Variants in CCDC150 observed in about 807,000 individuals in gnomAD.
CCDC150 encodes coiled-coil domain-containing protein 150.
A neutral mutation model predicts 156.5 loss-of-function variants in CCDC150; 151 were observed. The ratio of observed to expected loss-of-function variants is 0.97; its 90% CI spans 0.85 to 1.10. The LOEUF (loss-of-function observed/expected upper bound fraction) is 1.10, where lower values mean the gene tolerates loss of function less well. Ranked by LOEUF, CCDC150 falls within the 50% of genes least tolerant of loss-of-function variation. CCDC150 has a pLI of 0.00. For synonymous variants in CCDC150, 452 were observed against 429.4 expected (o/e 1.05, Z -0.65); for missense variants, 1,312 against 1,268.1 (o/e 1.03, Z -0.53).
chr2:196,641,150 TTG>T (rs1692203508), intron 1 of CCDC150, among the ~76,000 whole-genome samples: 2 of 58,596 alleles, frequency 3.4e-5, no homozygotes, highest in African/African-American at 1.3e-4. Context: ...ATTTTTATTT[TTG>T]TATTTTTAGT....
chr2:196,689,169 C>G (rs1010191458), intron 13 of CCDC150, among the ~76,000 whole-genome samples: 1 of 152,106 alleles, frequency 6.6e-6, no homozygotes, highest in Non-Finnish European at 1.5e-5. Context: ...AATTTGAAGT[C>G]AGGTAGTGTG....
chr2:196,696,200 C>T (rs1695816876), intron 14 of CCDC150, among the ~76,000 whole-genome samples: 1 of 151,992 alleles, frequency 6.6e-6, no homozygotes, highest in African/African-American at 2.4e-5. Flanking sequence ...AATGCTATAA[C>T]TGTGGATGTT....
chr2:196,718,699 A>G (rs1192395220), intron 18 of CCDC150, 68 bp downstream of exon 18: 12 of 1,539,412 alleles, frequency 7.8e-6, no homozygotes, highest in Non-Finnish European at 1.1e-5. Context: ...TTCATGAGCC[A>G]TATGTTTCGC....
chr2:196,674,225 G>T lies in CCDC150; in HGVS notation c.1030-16G>T, dbSNP rs770563407. ...TTATTGGAGAGACCAATGACTTGCT[G>T]TGTGTGTTTTCTTAGGTTTTGAATG... On this transcript the variant is annotated splice_polypyrimidine_tract_variant and intron_variant, in intron 9 of 27. Coordinates refer to ENST00000389175, the MANE Select transcript of CCDC150 (RefSeq NM_001080539.2). 2 of 1,467,014 alleles carry T rather than the reference G, an allele frequency of 1.4e-6. No homozygotes were observed. The highest frequency in any genetic ancestry group is 1.9e-6 in the Non-Finnish European group (2 of 1,062,092). The allele number at this position is 1,467,014 out of a possible 1,614,324, so 90.9% of individuals were successfully genotyped here.
intron 21 of CCDC150, 94 bp from the exon 22 acceptor site, chr2:196,725,879 C>T (rs1474010091): frequency 1.1e-5 from 13 of 1,166,928 alleles, no homozygotes; most frequent in South Asian, 1.7e-5. Flanking sequence ...ATAAATCACA[C>T]ACCTTTTGGA....
intron 5 of CCDC150, among the ~76,000 whole-genome samples, chr2:196,660,580 A>G (rs562195649): frequency 2.0e-5 from 3 of 152,278 alleles, no homozygotes; most frequent in African/African-American, 7.2e-5. Context: ...GAATCTTCTC[A>G]TGTGTTTATT....
chr2:196,676,450 C>A, intron 11 of CCDC150, 104 bp from the exon 12 acceptor site: 2 of 1,302,728 alleles, frequency 1.5e-6, no homozygotes, highest in Non-Finnish European at 2.1e-6. Context: ...ATTTTGGTAA[C>A]TACTCTCAGT....
At chr2:196,655,235 A>G (rs896656952) in intron 2 of CCDC150, among the ~76,000 whole-genome samples, 1 of 152,168 alleles carries the variant, frequency 6.6e-6, no homozygotes, top group Non-Finnish European at 1.5e-5. Flanking sequence ...ACATCCTCTG[A>G]GGGTATGGCC....
At chr2:196,684,580 G>T (rs1422212977) in intron 13 of CCDC150, among the ~76,000 whole-genome samples, 1 of 152,062 alleles carries the variant, frequency 6.6e-6, no homozygotes, top group Non-Finnish European at 1.5e-5. Flanking sequence ...TTATAGTGTT[G>T]TTCATGTCTT....
chr2:196,730,250 A>G lies in CCDC150; in HGVS notation c.2982+132A>G, dbSNP rs1698452022. On this transcript the variant is annotated intron_variant, in intron 25 of 27. Coordinates refer to ENST00000389175, the MANE Select transcript of CCDC150 (RefSeq NM_001080539.2). ...CATTTACAAATTGTTTATCTTAGCTAAGTCCTTAGAATAATAGTATCTAGG... is the reference window on the plus strand; with the variant it reads ...CATTTACAAATTGTTTATCTTAGCTGAGTCCTTAGAATAATAGTATCTAGG... 5.7e-6 allele frequency: 4 copies of G among 698,850 alleles called. No individual in the cohort carries two copies. In the African/African-American group the frequency reaches 7.2e-5, roughly 13 times the overall value. 43.3% of individuals were successfully genotyped at this position (698,850 alleles called of 1,614,324 possible).
chr2:196,656,334 G>C (rs1693185597), intron 2 of CCDC150, among the ~76,000 whole-genome samples: 1 of 152,136 alleles, frequency 6.6e-6, no homozygotes, highest in Non-Finnish European at 1.5e-5. Context: ...ACCTGAGTGT[G>C]CCTCAGCTTT....
At chr2:196,700,842 C>T (rs1696155366) in intron 14 of CCDC150, among the ~76,000 whole-genome samples, 1 of 152,138 alleles carries the variant, frequency 6.6e-6, no homozygotes, top group Admixed American at 6.5e-5. Flanking sequence ...AAAGGAATAA[C>T]TGACATAACA....
At chr2:196,700,991 A>G (rs1696167300) in intron 14 of CCDC150, 118 bp from the exon 15 acceptor site, 1 of 671,154 alleles carries the variant, frequency 1.5e-6, no homozygotes, top group African/African-American at 1.9e-5. Flanking sequence ...TAGCAAATAA[A>G]TAGGAATCTT....
At position 196,658,801 on chromosome 2, in the gene CCDC150, G is replaced by A. The variant is rs765768562; in HGVS notation, c.586G>A (p.Ala196Thr). 6.2e-7 allele frequency: 1 copy of A among 1,601,874 alleles called. No homozygotes were observed. The highest frequency in any genetic ancestry group is 1.1e-5 in the South Asian group (1 of 88,712). Residue 196 changes from alanine (A) to threonine (T), a missense_variant, in exon 5 of 28, where the codon GCC (alanine) becomes ACC (threonine). Ala to Thr is a moderately conservative substitution (Grantham distance 58). Coordinates refer to ENST00000389175, the MANE Select transcript of CCDC150 (RefSeq NM_001080539.2). ...CTCCTTCTACTTTTAGAAGAATGCA[G>A]CCATTATTGAAGAGGAACTGAAGAC... Reference protein sequence around the residue: ...KIASQTKKNAAIIEEELKTTK... With the variant: ...KIASQTKKNATIIEEELKTTK...
At chr2:196,720,190 T>C (rs1207478794) in intron 19 of CCDC150, 1 of 381,194 alleles carries the variant, frequency 2.6e-6, no homozygotes, top group South Asian at 2.1e-5. Flanking sequence ...GAATAAATGG[T>C]CTGAGTTTAA....
intron 17 of CCDC150, chr2:196,713,773 T>C (rs1221157574): frequency 2.3e-6 from 3 of 1,288,728 alleles, no homozygotes; most frequent in Non-Finnish European, 3.0e-6. Context: ...CTTGAAGATA[T>C]GACTAACAAG....
chr2:196,670,226 CACTT>C (rs1267358363), intron 8 of CCDC150, among the ~76,000 whole-genome samples: 3 of 152,092 alleles, frequency 2.0e-5, no homozygotes, highest in Admixed American at 2.0e-4. Context: ...TGACACTACA[CACTT>C]ACAGTGATTT....
chr2:196,655,337 G>A (rs965862280), intron 2 of CCDC150, among the ~76,000 whole-genome samples: 1 of 152,148 alleles, frequency 6.6e-6, no homozygotes, highest in African/African-American at 2.4e-5. Flanking sequence ...CCCAGAGCTG[G>A]GTGGCTAAGG....
In CCDC150 at chr2:196,732,630, GCTGGC is replaced by G; in HGVS notation, c.*72_*76del. ...TGATTCCAAGAGCCCAGCAGCCGGG[GCTGGC>G]CTGTTTCTAGAGTCATAAGAACATG... On this transcript the variant is annotated 3_prime_UTR_variant, in exon 28 of 28. Coordinates refer to ENST00000389175, the MANE Select transcript of CCDC150 (RefSeq NM_001080539.2). The G allele has an allele frequency of 9.2e-7, 1 of 1,085,036 alleles. No individual in the cohort carries two copies. The highest frequency in any genetic ancestry group is 1.4e-6 in the Non-Finnish European group (1 of 707,244). The allele number at this position is 1,085,036 out of a possible 1,614,324, so 67.2% of individuals were successfully genotyped here.
Sources: gnomAD v4.1 joint callset for allele counts (sites outside exome capture counted in the v4.1 genomes callset) on GRCh38, gnomAD v4.1.1 for gene constraint, MANE v1.5 for transcripts, NCBI Gene and HGNC (gene_info 2026-07-23, HGNC 2026-07-21) for gene names.